Variants in OR5P3 observed in about 807,000 individuals in gnomAD.
OR5P3 encodes the protein olfactory receptor family 5 subfamily P member 3, also known as olfactory receptor 5P3.
For synonymous variants in OR5P3, 172 were observed against 141.8 expected, an observed-to-expected ratio of 1.21 and a Z score of -1.51; for missense variants, 415 against 375.6, an observed-to-expected ratio of 1.10 and a Z score of -0.87.
intron 1 of OR5P3, among the ~76,000 whole-genome samples, chr11:7,828,743 T>A (rs986173636): frequency 7.2e-5 from 11 of 152,212 alleles, no homozygotes; most frequent in Admixed American, 5.9e-4. Context: ...TTTCTGAGAT[T>A]ACTGCAGTGG....
chr11:7,828,762 C>T (rs1040454070), intron 1 of OR5P3, among the ~76,000 whole-genome samples: 2 of 152,140 alleles, frequency 1.3e-5, no homozygotes, highest in African/African-American at 2.4e-5. Flanking sequence ...GGTGACTTCA[C>T]GTAGATCCAA....
Position 7,825,361 on chromosome 11 carries a change from T to G in OR5P3, c.612A>C (p.Gly204=). ...TFEIIPAISS[G]SIIVATVCVI... ...CACACACAGTGGCCACAATGATAGA[T>G]CCAGAAGAGATAGCTGGAATTATTT... The change falls in exon 2 of 2, where the codon GGA becomes GGC. Residue 204 remains glycine (G), a synonymous_variant. Coordinates refer to ENST00000641167, the MANE Select transcript of OR5P3 (RefSeq NM_153445.2). 6.2e-7 allele frequency: 1 copy of G among 1,612,950 alleles called. No homozygotes were observed.
chr11:7,828,746 T>C (rs910623778), intron 1 of OR5P3, among the ~76,000 whole-genome samples: 2 of 152,210 alleles, frequency 1.3e-5, no homozygotes, highest in Non-Finnish European at 2.9e-5. Context: ...CTGAGATTAC[T>C]GCAGTGGTGA....
intron 1 of OR5P3, among the ~76,000 whole-genome samples, chr11:7,830,428 T>A (rs1049233029): frequency 6.6e-6 from 1 of 152,178 alleles, no homozygotes; most frequent in African/African-American, 2.4e-5. Flanking sequence ...AATGAATGAA[T>A]GCTTAAAATT....
Position 7,825,314 on chromosome 11 carries a change from T to C in OR5P3, c.659A>G (p.Tyr220Cys), listed in dbSNP as rs767372053. ...CATCTTCAGGATGGTGATGAGGATA[T>C]AGATGTAGGATATGGCTATGACACA... Reference protein sequence around the residue: ...TVCVIAISYIYILITILKMHS... With the variant: ...TVCVIAISYICILITILKMHS... Residue 220 changes from tyrosine (Y) to cysteine (C), a missense_variant, in exon 2 of 2, where the codon TAT (tyrosine) becomes TGT (cysteine). By Grantham distance (194) the Tyr-to-Cys change is radical. Coordinates refer to ENST00000641167, the MANE Select transcript of OR5P3 (RefSeq NM_153445.2). The C allele has an allele frequency of 6.8e-6, 11 of 1,613,028 alleles. No homozygotes were observed. The highest frequency in any genetic ancestry group is 8.5e-6 in the Non-Finnish European group (10 of 1,180,032).
chr11:7,828,438 T>C (rs1857770054), intron 1 of OR5P3, among the ~76,000 whole-genome samples: 1 of 152,166 alleles, frequency 6.6e-6, no homozygotes, highest in Non-Finnish European at 1.5e-5. Flanking sequence ...GTACAGAAGA[T>C]AATACACACA....
chr11:7,825,255 T>A lies in OR5P3; in HGVS notation c.718A>T (p.Thr240Ser), dbSNP rs778052503. Residue 240 changes from threonine (T) to serine (S), a missense_variant, in exon 2 of 2, where the codon ACC (threonine) becomes TCC (serine). Physicochemically the swap from Thr to Ser is moderately conservative, Grantham distance 58 (BLOSUM62 1). Transcript: ENST00000641167. ...STKGRHKAFS[T>S]CTSHLTAVTL... ...ACTGCAGTGAGGTGGGAGGTGCAGG[T>A]GGAGAAGGCCTTGTGGCGGCCCTTG... The A allele has an allele frequency of 5.0e-6, 8 of 1,612,824 alleles. No individual in the cohort carries two copies. The highest frequency in any genetic ancestry group is 6.8e-6 in the Non-Finnish European group (8 of 1,180,018).
chr11:7,829,756 A>G (rs947048928), intron 1 of OR5P3, among the ~76,000 whole-genome samples: 6 of 152,190 alleles, frequency 3.9e-5, no homozygotes, highest in African/African-American at 1.4e-4. Context: ...CCTCTATTAG[A>G]ATTAAGAAAA....
intron 1 of OR5P3, among the ~76,000 whole-genome samples, chr11:7,829,001 G>A (rs1280036664): frequency 6.6e-6 from 1 of 152,116 alleles, no homozygotes; most frequent in Non-Finnish European, 1.5e-5. Flanking sequence ...TTTCCAAAAT[G>A]AGAAGTTGAT....
chr11:7,828,735 T>C (rs934402119), intron 1 of OR5P3, among the ~76,000 whole-genome samples: 1 of 152,206 alleles, frequency 6.6e-6, no homozygotes, highest in African/African-American at 2.4e-5. Context: ...GATAGTCATT[T>C]CTGAGATTAC....
intron 1 of OR5P3, among the ~76,000 whole-genome samples, chr11:7,826,477 A>G (rs927699563): frequency 1.3e-5 from 2 of 152,232 alleles, no homozygotes; most frequent in Non-Finnish European, 2.9e-5. Context: ...CAAACAGATT[A>G]GCTGCATGCT....
chr11:7,826,953 A>T (rs1004729809), intron 1 of OR5P3, among the ~76,000 whole-genome samples: 1 of 152,180 alleles, frequency 6.6e-6, no homozygotes. Context: ...AAATCAAGAA[A>T]ATGCAAGAAA....
At chr11:7,827,414 CT>C (rs1293732154) in intron 1 of OR5P3, among the ~76,000 whole-genome samples, 2 of 152,116 alleles carry the variant, frequency 1.3e-5, no homozygotes, top group Admixed American at 1.3e-4. Flanking sequence ...AATTGATATG[CT>C]TTTGTTTTCA....
chr11:7,829,055 C>A (rs1171079343), intron 1 of OR5P3, among the ~76,000 whole-genome samples: 1 of 152,006 alleles, frequency 6.6e-6, no homozygotes, highest in Non-Finnish European at 1.5e-5. Flanking sequence ...AAAATGTATG[C>A]TTCATCATAA....
rs558541798 is a variant in OR5P3 at position 7,830,150 on chromosome 11, T to C, written c.-22+674A>G. 1.4e-4 allele frequency among the ~76,000 whole-genome samples: 21 copies of C among 152,296 alleles called. No homozygotes were observed. In the South Asian group the frequency reaches 2.7e-3, roughly 20 times the overall value. ...TTGCTCTCAAGCAGACTGAACGCTC[T>C]TGCACACATGCACTGCTGTCTCTTT... On this transcript the variant is annotated intron_variant, in intron 1 of 1. Coordinates refer to ENST00000641167, the MANE Select transcript of OR5P3 (RefSeq NM_153445.2).
In OR5P3 at chr11:7,825,928, CA is replaced by C; in HGVS notation, c.44del (p.Leu15TrpfsTer18). 1 of 1,594,372 alleles carries C rather than the reference CA, an allele frequency of 6.3e-7. No homozygotes were observed. ...AAACTGTAGTATCCTCAGATAACCCCAAAAGAGTAAACTCTACCACAGTGGT... is the reference window on the plus strand; with the variant it reads ...AAACTGTAGTATCCTCAGATAACCCCAAAGAGTAAACTCTACCACAGTGGT... ...NDTTVVEFTL[L>X]GLSEDTTVCA... is the part of the protein sequence containing the mutation. On this transcript the variant is annotated frameshift_variant, in exon 2 of 2. Transcript: ENST00000641167. LOFTEE classifies it low-confidence loss of function (END_TRUNC).
At position 7,825,989 on chromosome 11, in the gene OR5P3, G is replaced by A. The variant is rs781279564; in HGVS notation, c.-17C>T. 1.5e-6 allele frequency: 2 copies of A among 1,313,758 alleles called. No homozygotes were observed. The highest frequency in any genetic ancestry group is 2.1e-6 in the Non-Finnish European group (2 of 943,160). 81.4% of individuals were successfully genotyped at this position (1,313,758 alleles called of 1,614,324 possible). A position where few individuals can be genotyped will look rare whatever the true frequency, so the allele number is the denominator to read the frequency against. On this transcript the variant is annotated 5_prime_UTR_variant, in exon 2 of 2. Transcript: ENST00000641167. ...AGTCCCCATCTATATTGGGAATGGT[G>A]CCAACTGAAAGAAAAACAAATGAAT...
At chr11:7,829,981 T>C (rs978857453) in intron 1 of OR5P3, among the ~76,000 whole-genome samples, 1 of 152,354 alleles carries the variant, frequency 6.6e-6, no homozygotes, top group South Asian at 2.1e-4. Flanking sequence ...AATGTTTTCC[T>C]ACATCATTTA....
Position 7,825,343 on chromosome 11 carries a change from A to T in OR5P3, c.630T>A (p.Thr210=), listed in dbSNP as rs1235426856. ...AISSGSIIVA[T]VCVIAISYIY... is the part of the protein sequence containing the mutation. ...TGTAGGATATGGCTATGACACACAC[A>T]GTGGCCACAATGATAGATCCAGAAG... The change falls in exon 2 of 2, where the codon ACT becomes ACA. Residue 210 remains threonine, a synonymous_variant. Transcript: ENST00000641167. 6.2e-7 allele frequency: 1 copy of T among 1,613,146 alleles called. No individual in the cohort carries two copies. Among genetic ancestry groups the T allele is most frequent in the Non-Finnish European group, 8.5e-7 (1 of 1,180,044 alleles).
Sources: gnomAD v4.1 joint callset for allele counts (sites outside exome capture counted in the v4.1 genomes callset) on GRCh38, gnomAD v4.1.1 for gene constraint, MANE v1.5 for transcripts, NCBI Gene and HGNC (gene_info 2026-07-23, HGNC 2026-07-21) for gene names.